AKAP6: variants seen among roughly 807,000 people sequenced by gnomAD.
AKAP6 encodes the protein A-kinase anchoring protein 6, also known as A-kinase anchor protein 6.
Under a neutral mutation model 188.5 loss-of-function variants are expected in AKAP6, and 58 were observed. The ratio of observed to expected loss-of-function variants is 0.31; its 90% confidence interval spans 0.25 to 0.38. The LOEUF (loss-of-function observed/expected upper bound fraction) is 0.38. Among genes scored for constraint, AKAP6 ranks in the 10% least tolerant of loss-of-function variants. AKAP6 has a pLI of 1.00. For synonymous variants in AKAP6, 989 were observed against 998.6 expected, an observed-to-expected ratio of 0.99 and a Z score of 0.18; for missense variants, 2,710 against 2,740.0, an observed-to-expected ratio of 0.99 and a Z score of 0.24.
intron 1 of AKAP6, chr14:32,375,781 TAGTA>T (rs1280418469): frequency 6.6e-6 from 1 of 152,168 alleles, no homozygotes; most frequent in Non-Finnish European, 1.5e-5. Context: ...GTCTTAAGAT[TAGTA>T]AGTGAGTGGC....
intron 1 of AKAP6, among the ~76,000 whole-genome samples, chr14:32,421,791 A>G (rs1889859274): frequency 1.3e-5 from 2 of 152,190 alleles, no homozygotes; most frequent in African/African-American, 2.4e-5. Flanking sequence ...TGCCAATTTC[A>G]GTATCTTGTC....
At chr14:32,787,234 C>G (rs1399043883) in intron 12 of AKAP6, among the ~76,000 whole-genome samples, 1 of 152,180 alleles carries the variant, frequency 6.6e-6, no homozygotes, top group Non-Finnish European at 1.5e-5. Context: ...GGGGGGAACC[C>G]CACACTTTTT....
At chr14:32,646,751 T>G (rs1044878875) in intron 7 of AKAP6, among the ~76,000 whole-genome samples, 1 of 152,142 alleles carries the variant, frequency 6.6e-6, no homozygotes, top group Non-Finnish European at 1.5e-5. Flanking sequence ...AATTCTAATG[T>G]GTGCCCTCTA....
In AKAP6 at chr14:32,732,445, T is replaced by C; in HGVS notation, c.3001-9T>C. ...CCTAATGATATCTCTTTTTCTCTTTTCATTTTAGCGATACAGTGTGGAAAT... is the reference window on the plus strand; with the variant it reads ...CCTAATGATATCTCTTTTTCTCTTTCCATTTTAGCGATACAGTGTGGAAAT... On this transcript the variant is annotated splice_polypyrimidine_tract_variant and intron_variant, in intron 9 of 13. Coordinates refer to ENST00000280979, the MANE Select transcript of AKAP6 (RefSeq NM_004274.5). 1.2e-6 allele frequency: 2 copies of C among 1,605,890 alleles called. No homozygotes were observed. The highest frequency in any genetic ancestry group is 1.7e-6 in the Non-Finnish European group (2 of 1,176,852).
intron 9 of AKAP6, among the ~76,000 whole-genome samples, chr14:32,728,360 A>G (rs1418321307): frequency 6.8e-6 from 1 of 147,342 alleles, no homozygotes; most frequent in Non-Finnish European, 1.5e-5. Context: ...CTATCTATCT[A>G]TCTATCTATC....
At chr14:32,520,647 G>A (rs913430630) in intron 2 of AKAP6, among the ~76,000 whole-genome samples, 5 of 152,118 alleles carry the variant, frequency 3.3e-5, no homozygotes, top group Non-Finnish European at 5.9e-5. Context: ...ACTAAACCAG[G>A]AAGAAGTTGA....
At position 32,484,352 on chromosome 14, in the gene AKAP6, AAGG is replaced by A. The variant is rs1226287923; in HGVS notation, c.324+50538_324+50540del. ...GATAGAGGAGATGCCTGCTAGATGC[AAGG>A]AGAAGATGGTTAGATCTACGGAAGC... is the stretch of plus-strand genomic sequence containing the variant. On this transcript the variant is annotated intron_variant, in intron 2 of 13. Transcript: ENST00000280979. 1.7e-4 allele frequency: 25 copies of A among 143,516 alleles called. 7 individuals are homozygous for A. The highest frequency in any genetic ancestry group is 4.2e-4 in the African/African-American group (4 of 9,476). 8.9% of individuals were successfully genotyped at this position (143,516 alleles called of 1,614,324 possible).
At chr14:32,527,474 A>G (rs1165711794) in intron 2 of AKAP6, among the ~76,000 whole-genome samples, 1 of 152,150 alleles carries the variant, frequency 6.6e-6, no homozygotes, top group Non-Finnish European at 1.5e-5. Flanking sequence ...TTGGGTAAAA[A>G]CCAAGGAGTG....
intron 1 of AKAP6, among the ~76,000 whole-genome samples, chr14:32,420,663 G>T (rs1303937794): frequency 2.6e-5 from 4 of 152,050 alleles, no homozygotes; most frequent in African/African-American, 9.7e-5. Context: ...ATTTACATCA[G>T]ATTTTCTCTC....
chr14:32,817,063 G>A (rs1212293719), intron 12 of AKAP6, among the ~76,000 whole-genome samples: 1 of 152,048 alleles, frequency 6.6e-6, no homozygotes, highest in South Asian at 2.1e-4. Flanking sequence ...TCTAGAGGCG[G>A]CTACATCAAT....
chr14:32,541,049 G>A (rs190269818), intron 3 of AKAP6, among the ~76,000 whole-genome samples: 15 of 151,754 alleles, frequency 9.9e-5, no homozygotes, highest in Admixed American at 7.2e-4. Context: ...CCTGTTCCCC[G>A]ATAACCTATG....
chr14:32,489,296 ACTC>A (rs1399782376), intron 2 of AKAP6, among the ~76,000 whole-genome samples: 2 of 152,072 alleles, frequency 1.3e-5, no homozygotes. Flanking sequence ...ACAGTCTCAA[ACTC>A]CTGGGCTCAA....
At chr14:32,713,357 C>T (rs1340887135) in intron 9 of AKAP6, among the ~76,000 whole-genome samples, 7 of 151,980 alleles carry the variant, frequency 4.6e-5, no homozygotes, top group African/African-American at 7.2e-5. Context: ...TTCAACTCAA[C>T]GTCATCAACA....
rs561341516 is a variant in AKAP6 at position 32,776,431 on chromosome 14, G to A, written c.3588+2538G>A. Reference sequence around the variant, plus strand: ...AGATGTGCCTTTTGCCTTCCACCATGATTGTGAGGCCTCCCCAGCCACATG... The same window carrying A: ...AGATGTGCCTTTTGCCTTCCACCATAATTGTGAGGCCTCCCCAGCCACATG... On this transcript the variant is annotated intron_variant, in intron 12 of 13. Coordinates refer to ENST00000280979, the MANE Select transcript of AKAP6 (RefSeq NM_004274.5). Among the ~76,000 whole-genome samples, 9 of 152,252 alleles carry A rather than the reference G, an allele frequency of 5.9e-5. No homozygotes were observed. In the East Asian group the frequency reaches 9.7e-4, roughly 16 times the overall value.
At chr14:32,513,838 A>G (rs567030159) in intron 2 of AKAP6, among the ~76,000 whole-genome samples, 310 of 152,250 alleles carry the variant, frequency 2.0e-3, no homozygotes, top group African/African-American at 7.2e-3. Flanking sequence ...CTTTTTTTCT[A>G]TATAGAACTC....
In AKAP6 at chr14:32,833,161, C is replaced by G. The variant is rs1222268489; in HGVS notation, c.*3356C>G. The G allele has an allele frequency of 1.3e-5, 2 of 152,184 alleles. No homozygotes were observed. The highest frequency in any genetic ancestry group is 6.5e-5 in the Admixed American group (1 of 15,280). 9.4% of individuals were successfully genotyped at this position (152,184 alleles called of 1,614,324 possible). A position where few individuals can be genotyped will look rare whatever the true frequency, so the allele number is the denominator to read the frequency against. On this transcript the variant is annotated 3_prime_UTR_variant, in exon 14 of 14. Transcript: ENST00000280979. ...CCTGTTTCCAAGTAGGGCACTCCCT[C>G]CGCTTATTTATTCATTTATTCAGCC...
intron 2 of AKAP6, among the ~76,000 whole-genome samples, chr14:32,489,336 G>C (rs1879874050): frequency 6.6e-6 from 1 of 152,034 alleles, no homozygotes; most frequent in African/African-American, 2.4e-5. Context: ...AGCCTCCCAA[G>C]TAGCTAGGAC....
intron 7 of AKAP6, among the ~76,000 whole-genome samples, chr14:32,663,765 A>C (rs982820630): frequency 2.6e-5 from 4 of 152,110 alleles, no homozygotes; most frequent in Non-Finnish European, 5.9e-5. Context: ...AAGTCCTGGA[A>C]GACTCAGATA....
At chr14:32,578,064 G>A (rs1884807858) in intron 5 of AKAP6, among the ~76,000 whole-genome samples, 1 of 152,018 alleles carries the variant, frequency 6.6e-6, no homozygotes. Flanking sequence ...ATGAATCCTT[G>A]GGTACTCAAC....
Sources: gnomAD v4.1 joint callset for allele counts (sites outside exome capture counted in the v4.1 genomes callset) on GRCh38, gnomAD v4.1.1 for gene constraint, MANE v1.5 for transcripts, NCBI Gene and HGNC (gene_info 2026-07-23, HGNC 2026-07-21) for gene names.